Variants in NUP93 observed in about 807,000 individuals in gnomAD.
NUP93 encodes nucleoporin 93.
In NUP93, 55 loss-of-function variants were observed where a neutral mutation model predicts 107.8. The observed-to-expected ratio is 0.51, with a 90% CI of 0.41 to 0.64. NUP93 has a LOEUF of 0.64. NUP93 is among the 30% of genes least tolerant of loss of function. The probability of loss-of-function intolerance (pLI) is 0.00; values close to 1 mark genes in which losing one functional copy is unlikely to be tolerated. For missense variants in NUP93, 937 were observed against 1,044.7 expected (o/e 0.90, Z 1.42); for synonymous variants, 390 against 397.5 (o/e 0.98, Z 0.22).
At chr16:56,749,910 C>G (rs1961887904) in intron 2 of NUP93, among the ~76,000 whole-genome samples, 1 of 152,220 alleles carries the variant, frequency 6.6e-6, no homozygotes, top group Admixed American at 6.5e-5. Context: ...GCCCAACCAG[C>G]CTTTAGACAC....
chr16:56,823,067 G>C (rs1963581829), intron 7 of NUP93, among the ~76,000 whole-genome samples: 1 of 152,168 alleles, frequency 6.6e-6, no homozygotes, highest in African/African-American at 2.4e-5. Flanking sequence ...GCCATTTACA[G>C]GCAGAAGGAT....
intron 4 of NUP93, 116 bp downstream of exon 4, chr16:56,798,654 G>A: frequency 1.2e-6 from 1 of 828,376 alleles, no homozygotes; most frequent in Non-Finnish European, 2.0e-6. Flanking sequence ...GTTCGCTTGA[G>A]CCCAGGAATT....
chr16:56,797,419 C>T (rs1354003039), intron 3 of NUP93, among the ~76,000 whole-genome samples: 19 of 152,238 alleles, frequency 1.2e-4, no homozygotes, highest in African/African-American at 4.3e-4. Context: ...CCTACTCAGC[C>T]CCCCACCAGC....
At chr16:56,772,708 G>T (rs1288757343) in intron 3 of NUP93, among the ~76,000 whole-genome samples, 1 of 152,214 alleles carries the variant, frequency 6.6e-6, no homozygotes, top group Non-Finnish European at 1.5e-5. Context: ...ATGGAATTTA[G>T]TTTTATTTGT....
chr16:56,812,059 C>T (rs972086709), intron 5 of NUP93, among the ~76,000 whole-genome samples: 5 of 152,144 alleles, frequency 3.3e-5, no homozygotes, highest in Non-Finnish European at 7.3e-5. Flanking sequence ...ACATTCTTTT[C>T]TGGGTACCTT....
intron 2 of NUP93, among the ~76,000 whole-genome samples, chr16:56,756,332 TC>T (rs1288877265): frequency 1.0e-4 from 12 of 120,518 alleles, no homozygotes; most frequent in Non-Finnish European, 1.7e-5. Flanking sequence ...TGTGTGTTGT[TC>T]CCCTCCCCGT....
intron 18 of NUP93, among the ~76,000 whole-genome samples, chr16:56,838,237 A>G (rs1963952774): frequency 6.6e-6 from 1 of 152,208 alleles, no homozygotes; most frequent in Non-Finnish European, 1.5e-5. Context: ...TCCTAGTAAA[A>G]TGACCCAGAG....
At chr16:56,828,532 G>T (rs1328640342) in intron 8 of NUP93, among the ~76,000 whole-genome samples, 3 of 152,196 alleles carry the variant, frequency 2.0e-5, no homozygotes, top group African/African-American at 7.2e-5. Flanking sequence ...ATGTGTATGT[G>T]TAGAGAGAAA....
intron 16 of NUP93, among the ~76,000 whole-genome samples, chr16:56,835,635 G>T (rs16962688): frequency 0.021 from 3,150 of 152,298 alleles, 118 homozygotes; most frequent in African/African-American, 0.072. Flanking sequence ...CTCCCAAGTG[G>T]CAGGGCAAGT....
chr16:56,829,145 C>G (rs1963729064), intron 9 of NUP93, 36 bp downstream of exon 9: 1 of 1,593,108 alleles, frequency 6.3e-7, no homozygotes, highest in Non-Finnish European at 8.5e-7. Context: ...CAGTTACACC[C>G]CCAGAGCAGT....
chr16:56,791,671 T>C (rs985095949), intron 3 of NUP93, among the ~76,000 whole-genome samples: 14 of 152,240 alleles, frequency 9.2e-5, no homozygotes, highest in African/African-American at 1.4e-4. Flanking sequence ...CCACTTTGGC[T>C]GCCAGGTCCT....
chr16:56,758,033 T>C (rs571796655), intron 2 of NUP93, among the ~76,000 whole-genome samples: 77 of 151,336 alleles, frequency 5.1e-4, no homozygotes, highest in Admixed American at 2.0e-3. Flanking sequence ...ATCATGCCAC[T>C]GCAATCCAGT....
At chr16:56,794,889 T>C (rs1160051878) in intron 3 of NUP93, among the ~76,000 whole-genome samples, 28 of 131,570 alleles carry the variant, frequency 2.1e-4, no homozygotes, top group Admixed American at 4.7e-4. Context: ...GATCGTGCCA[T>C]TGCCCTCCAG....
chr16:56,784,329 A>G (rs745298), intron 3 of NUP93, among the ~76,000 whole-genome samples: 2,006 of 152,286 alleles, frequency 0.013, 40 homozygotes, highest in African/African-American at 0.045. Context: ...TTAATGACCT[A>G]TAATAGCTGA....
intron 3 of NUP93, among the ~76,000 whole-genome samples, chr16:56,759,068 A>AT (rs1962079154): frequency 6.6e-6 from 1 of 152,180 alleles, no homozygotes. Flanking sequence ...GCTGGGGAAA[A>AT]CTTAGAGTAC....
rs1299358421 is a variant in NUP93, at chr16:56,848,784, CTT to C, written c.*4177_*4178del. The C allele has an allele frequency of 6.6e-6, 1 of 152,196 alleles. No individual in the cohort carries two copies. The highest frequency in any genetic ancestry group is 2.4e-5 in the African/African-American group (1 of 41,442). The allele number at this position is 152,196 out of a possible 1,614,324, so 9.4% of individuals were successfully genotyped here. On this transcript the variant is annotated 3_prime_UTR_variant, in exon 22 of 22. Coordinates refer to ENST00000308159, the MANE Select transcript of NUP93 (RefSeq NM_014669.5). ...ATTGCAGCAGATGATTTCAAAACCT[CTT>C]TGTGTGCTGGGCCGTGCTAGGTAGC...
chr16:56,798,821 C>T (rs112715784), intron 4 of NUP93, among the ~76,000 whole-genome samples: 19 of 150,826 alleles, frequency 1.3e-4, no homozygotes, highest in Admixed American at 2.0e-4. Context: ...AGCCGAGTCG[C>T]GCCACTGCAC....
chr16:56,837,266 A>C (rs748598578), intron 17 of NUP93, among the ~76,000 whole-genome samples: 7 of 152,190 alleles, frequency 4.6e-5, no homozygotes, highest in South Asian at 2.1e-4. Flanking sequence ...AAAAGTAGAC[A>C]AAAAAACAGC....
At chr16:56,798,588 C>G (rs768284499) in intron 4 of NUP93, 50 bp downstream of exon 4, 1 of 1,467,816 alleles carries the variant, frequency 6.8e-7, no homozygotes, top group South Asian at 1.1e-5. Flanking sequence ...GGCAAGAGGG[C>G]TGGGCGTGGT....
Sources: gnomAD v4.1 joint callset for allele counts (sites outside exome capture counted in the v4.1 genomes callset) on GRCh38, gnomAD v4.1.1 for gene constraint, MANE v1.5 for transcripts, NCBI Gene and HGNC (gene_info 2026-07-23, HGNC 2026-07-21) for gene names.